Variants in SYTL2 observed in about 807,000 individuals in gnomAD.
SYTL2 encodes the protein synaptotagmin like 2.
Under a neutral mutation model 198.7 loss-of-function variants are expected in SYTL2, and 165 were observed. The ratio of observed to expected loss-of-function variants is 0.83; its 90% CI spans 0.73 to 0.94. The LOEUF (loss-of-function observed/expected upper bound fraction) is 0.94, where lower values mean the gene tolerates loss of function less well. Among genes scored for constraint, SYTL2 ranks in the 40% least tolerant of loss-of-function variants. The pLI, the probability that SYTL2 is intolerant of heterozygous loss-of-function variation, is 0.00. For synonymous variants in SYTL2, 966 were observed against 917.7 expected, an observed-to-expected ratio of 1.05 and a Z score of -0.95; for missense variants, 2,835 against 2,582.8, an observed-to-expected ratio of 1.10 and a Z score of -2.12.
the SYTL2 span, chr11:85,853,202 G>C: frequency 4.8e-6 from 2 of 412,806 alleles, no homozygotes; most frequent in Non-Finnish European, 9.6e-6. Flanking sequence ...TGACAATGGC[G>C]GTTTTGTGGA....
At chr11:85,721,591 T>C (rs1246145415) in intron 8 of SYTL2, among the ~76,000 whole-genome samples, 1 of 152,210 alleles carries the variant, frequency 6.6e-6, no homozygotes, top group Non-Finnish European at 1.5e-5. Context: ...GGCTGCATCA[T>C]GAATAAGCTT....
chr11:85,795,647 C>G (rs534507099), intron 1 of SYTL2, among the ~76,000 whole-genome samples: 36 of 152,122 alleles, frequency 2.4e-4, no homozygotes, highest in Non-Finnish European at 4.6e-4. Context: ...ATAGTAAAAG[C>G]CACTCCAAAC....
At chr11:85,765,471 G>A (rs182488738) in intron 1 of SYTL2, among the ~76,000 whole-genome samples, 3 of 152,286 alleles carry the variant, frequency 2.0e-5, no homozygotes, top group East Asian at 1.9e-4. Flanking sequence ...TCCTGACCTC[G>A]TGATCTGCCC....
chr11:85,748,162 G>A (rs2091284385), intron 3 of SYTL2, 110 bp downstream of exon 3: 2 of 1,252,148 alleles, frequency 1.6e-6, no homozygotes, highest in South Asian at 2.8e-5. Flanking sequence ...ATTATGAAAA[G>A]TGTACATCCA....
At chr11:85,705,542 T>C (rs1393129801) in intron 15 of SYTL2, among the ~76,000 whole-genome samples, 2 of 152,098 alleles carry the variant, frequency 1.3e-5, no homozygotes, top group Non-Finnish European at 2.9e-5. Flanking sequence ...CCCACACAGA[T>C]GAGGTATTTA....
At chr11:85,710,170 T>TAATCATAGTGACACACTGCTGTATCGAA (rs1591633168) in intron 13 of SYTL2, among the ~76,000 whole-genome samples, 1 of 152,312 alleles carries the variant, frequency 6.6e-6, no homozygotes, top group East Asian at 1.9e-4. Flanking sequence ...CCAGACACTC[T>TAATCATAGTGACACACTGCTGTATCGAA]AATCATAGTG....
At chr11:85,773,292 C>T (rs2092392575) in intron 1 of SYTL2, among the ~76,000 whole-genome samples, 1 of 152,248 alleles carries the variant, frequency 6.6e-6, no homozygotes, top group Admixed American at 6.5e-5. Context: ...TCCAGATCTA[C>T]ACCCTGACTT....
rs1236805017 is a variant in SYTL2, at chr11:85,695,145, G to T, written c.*50C>A. On this transcript the variant is annotated 3_prime_UTR_variant, in exon 20 of 20. Coordinates refer to ENST00000359152, the MANE Select transcript of SYTL2 (RefSeq NM_206927.4). ...CCACCTACTCAGATTTTCAAGATCA[G>T]ATTCCACCGGTTTAGTAGTTTTCAG... is the stretch of plus-strand genomic sequence containing the variant. 6.4e-7 allele frequency: 1 copy of T among 1,562,364 alleles called. No homozygotes were observed. The highest frequency in any genetic ancestry group is 8.7e-7 in the Non-Finnish European group (1 of 1,148,972).
chr11:85,725,330 G>A lies in SYTL2; in HGVS notation c.4028C>T (p.Ala1343Val), dbSNP rs139341802. 15 of 1,613,994 alleles carry A rather than the reference G, an allele frequency of 9.3e-6. No homozygotes were observed. The highest frequency in any genetic ancestry group is 1.2e-5 in the Non-Finnish European group (14 of 1,179,932). The change falls in exon 8 of 20, where the codon GCT becomes GTT. Residue 1343 changes from alanine (A) to valine (V), a missense_variant. Ala to Val is a moderately conservative substitution (Grantham distance 64). Around this residue, in one of 3 missense-constraint regions of SYTL2, gnomAD observed 2,645 missense variants for 2,381.7 expected, o/e 1.11. Transcript: ENST00000359152. ...FPQDAHLVPQ[A>V]RVHPSQTEIS... ...TTCCGTTTGAGAAGGGTGTACCCTA[G>A]CCTGGGGAACAAGATGAGCATCCTG...
At position 85,724,155 on chromosome 11, in the gene SYTL2, C is replaced by G. The variant is rs753346141; in HGVS notation, c.5203G>C (p.Glu1735Gln). The change falls in exon 8 of 20, where the codon GAA (glutamate) becomes CAA (glutamine). Residue 1735 changes from glutamate (E) to glutamine (Q), a missense_variant. Physicochemically the swap from Glu to Gln is conservative, Grantham distance 29. This residue lies in a region of SYTL2 where 2,645 missense variants were observed against 2,381.7 expected (regional missense o/e 1.11). Coordinates refer to ENST00000359152, the MANE Select transcript of SYTL2 (RefSeq NM_206927.4). The stretch of plus-strand genomic sequence containing the variant: ...ATATATGGCGATGCTAGAGTCAATT[C>G]AACTTTACTTGTTTTTGTAGAGTTT... Reference protein sequence around the residue: ...KENSTKTSKVELTLASPYMKQ... With the variant: ...KENSTKTSKVQLTLASPYMKQ... 1 of 1,603,606 alleles carries G rather than the reference C, an allele frequency of 6.2e-7. No individual in the cohort carries two copies. Among genetic ancestry groups the G allele is most frequent in the Non-Finnish European group, 8.5e-7 (1 of 1,177,564 alleles).
chr11:85,711,846 G>A (rs1302532725), intron 12 of SYTL2, among the ~76,000 whole-genome samples: 2 of 151,898 alleles, frequency 1.3e-5, no homozygotes, highest in African/African-American at 2.4e-5. Flanking sequence ...CTAGAGTTAA[G>A]TATATTAAAT....
intron 18 of SYTL2, among the ~76,000 whole-genome samples, chr11:85,697,331 C>T (rs1026217685): frequency 1.1e-4 from 17 of 152,128 alleles, no homozygotes; most frequent in Admixed American, 4.6e-4. Context: ...TGAGACACCT[C>T]GCTGTACCAG....
At chr11:85,754,707 TC>T (rs1231261000) in intron 2 of SYTL2, among the ~76,000 whole-genome samples, 8 of 152,164 alleles carry the variant, frequency 5.3e-5, no homozygotes, top group African/African-American at 1.9e-4. Context: ...TCATGCCCAC[TC>T]TGAGTTGAGG....
chr11:85,802,584 AC>A (rs150166685), intron 1 of SYTL2, among the ~76,000 whole-genome samples: 9,262 of 152,210 alleles, frequency 0.061, 352 homozygotes, highest in East Asian at 0.11. Flanking sequence ...TACTGTAAGT[AC>A]TACTTCACCA....
intron 7 of SYTL2, among the ~76,000 whole-genome samples, chr11:85,732,584 G>A (rs1306548936): frequency 6.6e-6 from 1 of 152,050 alleles, no homozygotes; most frequent in East Asian, 1.9e-4. Context: ...CACACACCAG[G>A]GCCTGTTGGG....
chr11:85,847,584 A>T, the SYTL2 span, among the ~76,000 whole-genome samples: 1 of 152,118 alleles, frequency 6.6e-6, no homozygotes, highest in African/African-American at 2.4e-5. Flanking sequence ...TTGTTTTTCC[A>T]TCAGGAATAT....
the SYTL2 span, among the ~76,000 whole-genome samples, chr11:85,848,457 G>T: frequency 9.3e-6 from 1 of 107,852 alleles, no homozygotes; most frequent in Admixed American, 8.6e-5. Flanking sequence ...TTCATTTTGA[G>T]TTAATTTTTT....
chr11:85,839,727 C>T, the SYTL2 span, among the ~76,000 whole-genome samples: 1 of 152,142 alleles, frequency 6.6e-6, no homozygotes, highest in African/African-American at 2.4e-5. Context: ...CTATTGTAAA[C>T]AGTGCTGCAG....
intron 2 of SYTL2, among the ~76,000 whole-genome samples, chr11:85,754,201 A>G (rs984689690): frequency 4.6e-5 from 7 of 152,190 alleles, no homozygotes; most frequent in African/African-American, 1.4e-4. Flanking sequence ...TAAATTTGCA[A>G]CTGATAATCC....
Sources: gnomAD v4.1 joint callset for allele counts (sites outside exome capture counted in the v4.1 genomes callset) on GRCh38, gnomAD v4.1.1 for gene constraint, gnomAD v4.1.1 regional missense constraint, MANE v1.5 for transcripts, NCBI Gene and HGNC (gene_info 2026-07-23, HGNC 2026-07-21) for gene names.